The following PIBF1 variants were observed in gnomAD, a reference collection of about 807,000 sequenced individuals.
PIBF1 encodes the protein progesterone immunomodulatory binding factor 1, also known as progesterone-induced-blocking factor 1.
PIBF1 carries 90 observed loss-of-function variants against 112.5 expected under a neutral mutation model. The observed-to-expected ratio is 0.80, with a 90% CI of 0.67 to 0.95. The LOEUF (loss-of-function observed/expected upper bound fraction) is 0.95, where lower values mean the gene tolerates loss of function less well. Ranked by LOEUF, PIBF1 falls within the 40% of genes least tolerant of loss-of-function variation. PIBF1 has a pLI of 0.00. For missense variants in PIBF1, 915 were observed against 852.3 expected (o/e 1.07, Z -0.92); for synonymous variants, 301 against 288.6 (o/e 1.04, Z -0.44).
At chr13:72,992,227 T>TA (rs757816741) in intron 16 of PIBF1, among the ~76,000 whole-genome samples, 35 of 152,152 alleles carry the variant, frequency 2.3e-4, no homozygotes, top group Non-Finnish European at 4.0e-4. Context: ...AAACAAGTGG[T>TA]AAAAGGAAAA....
intron 16 of PIBF1, among the ~76,000 whole-genome samples, chr13:72,993,198 G>T (rs919289493): frequency 6.6e-6 from 1 of 152,040 alleles, no homozygotes. Context: ...GTTGGTGCAT[G>T]CCTGTAGACC....
intron 10 of PIBF1, among the ~76,000 whole-genome samples, chr13:72,870,935 C>G (rs897958254): frequency 6.6e-6 from 1 of 151,642 alleles, no homozygotes; most frequent in Non-Finnish European, 1.5e-5. Flanking sequence ...GAATAAAGAG[C>G]TTTTATTTAC....
At chr13:72,945,283 C>T (rs774374033) in intron 14 of PIBF1, among the ~76,000 whole-genome samples, 1 of 152,114 alleles carries the variant, frequency 6.6e-6, no homozygotes, top group Non-Finnish European at 1.5e-5. Context: ...ATTTCTTTAT[C>T]CAATCCATTG....
At chr13:72,930,775 ATTG>A in intron 13 of PIBF1, among the ~76,000 whole-genome samples, 1 of 152,290 alleles carries the variant, frequency 6.6e-6, no homozygotes, top group Middle Eastern at 3.4e-3. Context: ...TAAGCTAATT[ATTG>A]TTTGTAATAT....
intron 11 of PIBF1, among the ~76,000 whole-genome samples, chr13:72,898,197 C>G (rs2040351549): frequency 6.6e-6 from 1 of 152,080 alleles, no homozygotes; most frequent in African/African-American, 2.4e-5. Flanking sequence ...GTTAAATAAC[C>G]TGCTCCTGAA....
intron 13 of PIBF1, among the ~76,000 whole-genome samples, chr13:72,926,878 A>G (rs2041501247): frequency 6.6e-6 from 1 of 152,174 alleles, no homozygotes; most frequent in Admixed American, 6.5e-5. Context: ...TCAGTAGACT[A>G]TTAGATCTTC....
intron 17 of PIBF1, among the ~76,000 whole-genome samples, chr13:73,013,300 CAAAAA>C (rs869055620): frequency 2.7e-4 from 4 of 14,654 alleles, no homozygotes; most frequent in African/African-American, 8.1e-4. Flanking sequence ...GACTCTGTCT[CAAAAA>C]AAAAAAAAAA....
At chr13:72,889,045 C>G (rs74519487) in intron 10 of PIBF1, among the ~76,000 whole-genome samples, 1 of 140,900 alleles carries the variant, frequency 7.1e-6, no homozygotes, top group African/African-American at 2.6e-5. Context: ...ACAAAAAATA[C>G]AAAAAAAAAA....
chr13:72,831,584 T>C (rs192235047), intron 8 of PIBF1, among the ~76,000 whole-genome samples: 119 of 152,244 alleles, frequency 7.8e-4, no homozygotes, highest in East Asian at 1.5e-3. Flanking sequence ...TCTGAGTGAG[T>C]TTATTAATCC....
At chr13:72,912,182 G>C (rs888029007) in intron 12 of PIBF1, among the ~76,000 whole-genome samples, 1 of 152,168 alleles carries the variant, frequency 6.6e-6, no homozygotes, top group Admixed American at 6.6e-5. Flanking sequence ...CTTCAGGTCA[G>C]TGAGGCTGAT....
chr13:72,915,428 C>T (rs2041052667), intron 12 of PIBF1, among the ~76,000 whole-genome samples: 1 of 152,170 alleles, frequency 6.6e-6, no homozygotes, highest in Non-Finnish European at 1.5e-5. Flanking sequence ...TACATTGTTT[C>T]TGTAATTAAT....
chr13:72,922,683 CAG>C (rs1031724607), intron 13 of PIBF1, among the ~76,000 whole-genome samples: 13 of 152,258 alleles, frequency 8.5e-5, no homozygotes, highest in Admixed American at 7.2e-4. Context: ...AAAAATAAAG[CAG>C]AGGAAACTAG....
chr13:72,892,038 T>C (rs1348810154), intron 10 of PIBF1, among the ~76,000 whole-genome samples: 2 of 151,932 alleles, frequency 1.3e-5, no homozygotes, highest in Non-Finnish European at 2.9e-5. Flanking sequence ...AAGAGAAGAA[T>C]AGGGAGTGAC....
At chr13:72,921,440 A>G (rs1421610345) in intron 13 of PIBF1, among the ~76,000 whole-genome samples, 2 of 152,178 alleles carry the variant, frequency 1.3e-5, no homozygotes, top group African/African-American at 4.8e-5. Flanking sequence ...TTGGAAAATT[A>G]CTGGTAATCC....
intron 5 of PIBF1, among the ~76,000 whole-genome samples, chr13:72,802,671 A>T (rs897639632): frequency 1.3e-5 from 2 of 151,914 alleles, no homozygotes; most frequent in African/African-American, 4.8e-5. Context: ...GATCTTAGAC[A>T]TGTTGAGTTT....
chr13:72,814,136 T>C (rs1224641255), intron 5 of PIBF1, among the ~76,000 whole-genome samples: 1 of 151,982 alleles, frequency 6.6e-6, no homozygotes, highest in Admixed American at 6.6e-5. Flanking sequence ...TTAATGAAAA[T>C]TGATAAAGAT....
chr13:72,982,319 C>T (rs1027169286), intron 16 of PIBF1, among the ~76,000 whole-genome samples: 2 of 151,906 alleles, frequency 1.3e-5, no homozygotes, highest in Admixed American at 1.3e-4. Context: ...GTCTGTAGTC[C>T]CAGCTTCTCA....
chr13:72,976,930 A>G (rs938214693), intron 16 of PIBF1, among the ~76,000 whole-genome samples: 1 of 152,100 alleles, frequency 6.6e-6, no homozygotes, highest in African/African-American at 2.4e-5. Context: ...AGGACACATG[A>G]TGTAAGGAGG....
rs2034981639 is a variant in PIBF1 at position 72,792,469 on chromosome 13, TTAA to T, written c.277_279del (p.Asn93del). 5.7e-6 allele frequency: 9 copies of T among 1,569,580 alleles called. No individual in the cohort carries two copies. Among genetic ancestry groups the T allele is most frequent in the Non-Finnish European group, 7.8e-6 (9 of 1,161,166 alleles). ...AAGATTGAAGAATTGGAGGAGAAAC[TTAA>T]TGATGCACTTCACCAGAAGCAGCTA... On this transcript the variant is annotated inframe_deletion, in exon 3 of 18. Coordinates refer to ENST00000326291, the MANE Select transcript of PIBF1 (RefSeq NM_006346.4).
Sources: gnomAD v4.1 joint callset for allele counts (sites outside exome capture counted in the v4.1 genomes callset) on GRCh38, gnomAD v4.1.1 for gene constraint, MANE v1.5 for transcripts, NCBI Gene and HGNC (gene_info 2026-07-23, HGNC 2026-07-21) for gene names.